Variants in SEMA6D observed in about 807,000 individuals in gnomAD.
SEMA6D encodes semaphorin-6D.
In SEMA6D, 35 loss-of-function variants were observed where a neutral mutation model predicts 106.6. The observed-to-expected ratio is 0.33, with a 90% CI of 0.25 to 0.44. The LOEUF (loss-of-function observed/expected upper bound fraction) is 0.44, where lower values mean the gene tolerates loss of function less well. Among genes scored for constraint, SEMA6D ranks in the 20% least tolerant of loss-of-function variants. The pLI, the probability that SEMA6D is intolerant of heterozygous loss-of-function variation, is 1.00. For missense variants in SEMA6D, 1,185 were observed against 1,345.9 expected (o/e 0.88, Z 1.87); for synonymous variants, 499 against 487.7 (o/e 1.02, Z -0.31).
At chr15:47,694,719 G>A (rs763008837) in intron 4 of SEMA6D, among the ~76,000 whole-genome samples, 1 of 152,138 alleles carries the variant, frequency 6.6e-6, no homozygotes, top group Non-Finnish European at 1.5e-5. Context: ...CAAGGCATGT[G>A]TCTGTTGTGA....
intron 1 of SEMA6D, among the ~76,000 whole-genome samples, chr15:47,230,882 G>A (rs2032141373): frequency 1.3e-5 from 2 of 151,948 alleles, no homozygotes; most frequent in African/African-American, 2.4e-5. Context: ...TACAGATAAC[G>A]GATGTGTAGG....
intron 1 of SEMA6D, among the ~76,000 whole-genome samples, chr15:47,748,059 A>G (rs1370939328): frequency 1.3e-5 from 2 of 152,176 alleles, no homozygotes; most frequent in Non-Finnish European, 2.9e-5. Flanking sequence ...GACAGAAATC[A>G]TTTAGTTATT....
intron 1 of SEMA6D, among the ~76,000 whole-genome samples, chr15:47,407,391 AAAC>A (rs1186062783): frequency 9.3e-5 from 13 of 140,032 alleles, no homozygotes; most frequent in East Asian, 4.2e-4. Context: ...AAAAAAACCA[AAAC>A]AACAACAACA....
At chr15:47,425,319 G>A (rs56167035) in intron 2 of SEMA6D, among the ~76,000 whole-genome samples, 75,872 of 151,722 alleles carry the variant, frequency 0.5, 19,700 homozygotes, top group South Asian at 0.63. Flanking sequence ...CAGTTGGTGA[G>A]TGAGAAGAGA....
chr15:47,225,765 G>A (rs991997847), intron 1 of SEMA6D, among the ~76,000 whole-genome samples: 3 of 151,828 alleles, frequency 2.0e-5, no homozygotes, highest in African/African-American at 7.3e-5. Flanking sequence ...CCTGACCTCA[G>A]GTAATCCGCC....
At chr15:47,274,016 G>A (rs138202279) in intron 1 of SEMA6D, among the ~76,000 whole-genome samples, 5 of 152,194 alleles carry the variant, frequency 3.3e-5, no homozygotes, top group South Asian at 2.1e-4. Context: ...GAGCTTGGGG[G>A]TATGGACCTA....
Position 47,615,105 on chromosome 15 carries a change from A to C in SEMA6D, c.-55+14209A>C, listed in dbSNP as rs182628999. On this transcript the variant is annotated intron_variant, in intron 4 of 19. Coordinates refer to the SEMA6D transcript ENST00000558014. ...AAAAATGTTTTCTTCAACCTAATAA[A>C]GTTGACCTTCCATATACACAAATTA... 4.6e-5 allele frequency among the ~76,000 whole-genome samples: 7 copies of C among 152,348 alleles called. No homozygotes were observed. In the East Asian group the frequency reaches 1.2e-3, roughly 25 times the overall value.
chr15:47,766,560 C>T, intron 15 of SEMA6D, 56 bp from the exon 16 acceptor site: 1 of 1,560,950 alleles, frequency 6.4e-7, no homozygotes, highest in Non-Finnish European at 8.8e-7. Context: ...CTGGTTGTCA[C>T]TTGTGTTCCT....
intron 1 of SEMA6D, among the ~76,000 whole-genome samples, chr15:47,335,308 C>T (rs986037605): frequency 4.6e-5 from 7 of 152,034 alleles, no homozygotes; most frequent in African/African-American, 1.7e-4. Flanking sequence ...TGGGTTGATG[C>T]AGAATCCACA....
Position 47,772,837 on chromosome 15 carries a change from ACTC to A in SEMA6D, c.*1058_*1060del, listed in dbSNP as rs2082692566. On this transcript the variant is annotated 3_prime_UTR_variant, in exon 19 of 19. Coordinates refer to ENST00000536845, the MANE Select transcript of SEMA6D (RefSeq NM_001358351.3). ...CAATAGTAAAATTTCTCCTCCTTTA[ACTC>A]CTCCTACCCCCCAAGGTAAGAAACA... The A allele has an allele frequency of 8.6e-6, 1 of 116,334 alleles. No individual in the cohort carries two copies. Among genetic ancestry groups the A allele is most frequent in the Non-Finnish European group, 1.7e-5 (1 of 60,508 alleles). 7.2% of individuals were successfully genotyped at this position (116,334 alleles called of 1,614,324 possible). A position where few individuals can be genotyped will look rare whatever the true frequency, so the allele number is the denominator to read the frequency against.
intron 1 of SEMA6D, among the ~76,000 whole-genome samples, chr15:47,339,511 A>T (rs961385397): frequency 7.9e-5 from 12 of 152,196 alleles, no homozygotes; most frequent in Admixed American, 6.5e-4. Context: ...GAGAGCAGAG[A>T]AGAAACATGG....
rs765065493 is a variant in SEMA6D, at chr15:47,771,451, G to T, written c.2888G>T (p.Gly963Val). The change falls in exon 19 of 19, where the codon GGT (glycine) becomes GTT (valine). Residue 963 changes from glycine to valine, a missense_variant. By Grantham distance (109) the Gly-to-Val change is moderately radical. Around this residue, in one of 3 missense-constraint regions of SEMA6D, gnomAD observed 750 missense variants for 783.5 expected, o/e 0.96. Transcript: ENST00000536845. Reference sequence around the variant, plus strand: ...ATGACTTCTCTGGAAAGACAAAGAGGTTATCACAAAAATTCCTCCCAGAGG... The same window carrying T: ...ATGACTTCTCTGGAAAGACAAAGAGTTTATCACAAAAATTCCTCCCAGAGG... ...VPMTSLERQR[G>V]YHKNSSQRHS... The T allele has an allele frequency of 6.2e-7, 1 of 1,614,086 alleles. No homozygotes were observed. The highest frequency in any genetic ancestry group is 8.5e-7 in the Non-Finnish European group (1 of 1,180,002).
chr15:47,367,873 A>G (rs281276), intron 1 of SEMA6D, among the ~76,000 whole-genome samples: 29,602 of 152,018 alleles, frequency 0.19, 3,259 homozygotes, highest in African/African-American at 0.29. Context: ...TTTTTTGATG[A>G]CAAGTCTTGG....
At chr15:47,687,820 G>A (rs559059776) in intron 4 of SEMA6D, among the ~76,000 whole-genome samples, 56 of 152,220 alleles carry the variant, frequency 3.7e-4, no homozygotes, top group Non-Finnish European at 5.4e-4. Context: ...GGAAGACATC[G>A]ATGATACTTA....
intron 3 of SEMA6D, among the ~76,000 whole-genome samples, chr15:47,475,114 C>G (rs1335987002): frequency 6.6e-6 from 1 of 152,024 alleles, no homozygotes; most frequent in Non-Finnish European, 1.5e-5. Flanking sequence ...CATAATAGAG[C>G]CTGACCTGAC....
At chr15:47,543,549 A>C (rs912633066) in intron 3 of SEMA6D, among the ~76,000 whole-genome samples, 5 of 152,144 alleles carry the variant, frequency 3.3e-5, no homozygotes, top group African/African-American at 1.2e-4. Context: ...TCCCAGTCTC[A>C]GGTATGTCTT....
intron 1 of SEMA6D, among the ~76,000 whole-genome samples, chr15:47,365,414 C>T (rs1179210720): frequency 6.6e-6 from 1 of 152,130 alleles, no homozygotes; most frequent in Non-Finnish European, 1.5e-5. Context: ...CCAAAGAACT[C>T]CTCTGTGGTG....
intron 1 of SEMA6D, among the ~76,000 whole-genome samples, chr15:47,334,966 C>G (rs575949220): frequency 6.6e-6 from 1 of 152,120 alleles, no homozygotes; most frequent in African/African-American, 2.4e-5. Context: ...AAGAGACTTC[C>G]GAGTCAGGCC....
upstream of SEMA6D, among the ~76,000 whole-genome samples, chr15:47,712,945 A>G (rs1399186313): frequency 6.6e-6 from 1 of 152,160 alleles, no homozygotes; most frequent in East Asian, 1.9e-4. Context: ...CCACCCTTCA[A>G]AAAGTTCGTT....
Sources: allele counts gnomAD v4.1 joint callset (sites outside exome capture counted in the v4.1 genomes callset), GRCh38; gene constraint gnomAD v4.1.1; regional missense constraint gnomAD v4.1.1; transcripts MANE v1.5; gene names NCBI Gene and HGNC (gene_info 2026-07-23, HGNC 2026-07-21).